The following MYCBP2 variants were observed in gnomAD, a reference collection of about 807,000 sequenced individuals.
The protein encoded by MYCBP2 is MYC binding protein 2.
A neutral mutation model predicts 525.3 loss-of-function variants in MYCBP2; 120 were observed. The ratio of observed to expected loss-of-function variants is 0.23; its 90% CI spans 0.20 to 0.27. The LOEUF is 0.27. MYCBP2 is among the 10% of genes least tolerant of loss of function. MYCBP2 has a pLI of 1.00. For missense variants in MYCBP2, 4,149 were observed against 5,657.1 expected (o/e 0.73, Z 8.55); for synonymous variants, 1,894 against 1,955.8 (o/e 0.97, Z 0.83).
In MYCBP2 at chr13:77,186,127, T is replaced by C. The variant is rs960726391; in HGVS notation, c.4252-64A>G. The C allele has an allele frequency of 5.7e-6, 7 of 1,221,132 alleles. No individual in the cohort carries two copies. The East Asian group carries it at 1.3e-4, about 22-fold the overall frequency. 75.6% of individuals were successfully genotyped at this position (1,221,132 alleles called of 1,614,324 possible). ...AAATGATACCATAAACGGAATCAAA[T>C]GGAAAGGCAATGGTAGACAACTTCA... On this transcript the variant is annotated intron_variant, in intron 30 of 82. Coordinates refer to ENST00000544440, the MANE Select transcript of MYCBP2 (RefSeq NM_015057.5).
chr13:77,061,528 G>T (rs765819273), intron 75 of MYCBP2, 134 bp downstream of exon 75: 3 of 1,059,048 alleles, frequency 2.8e-6, no homozygotes, highest in African/African-American at 1.6e-5. Flanking sequence ...GATGGTAAGC[G>T]AGACAGCTGT....
At chr13:77,126,924 C>T (rs2051772033) in intron 52 of MYCBP2, among the ~76,000 whole-genome samples, 1 of 151,938 alleles carries the variant, frequency 6.6e-6, no homozygotes, top group South Asian at 2.1e-4. Context: ...TACTGCATTA[C>T]TGTATATTGT....
intron 58 of MYCBP2, among the ~76,000 whole-genome samples, chr13:77,095,057 C>T (rs183095375): frequency 1.3e-5 from 2 of 152,224 alleles, no homozygotes; most frequent in East Asian, 3.9e-4. Flanking sequence ...TTCAGCATTT[C>T]GCACTAACAG....
intron 58 of MYCBP2, among the ~76,000 whole-genome samples, chr13:77,094,685 C>T (rs2045967911): frequency 6.6e-6 from 1 of 151,822 alleles, no homozygotes; most frequent in Admixed American, 6.6e-5. Context: ...TCGCTTTCTT[C>T]CTGTCGCTTG....
chr13:77,246,464 GAAGA>G (rs1274715118), intron 15 of MYCBP2, among the ~76,000 whole-genome samples: 2 of 150,784 alleles, frequency 1.3e-5, no homozygotes, highest in Non-Finnish European at 3.0e-5. Flanking sequence ...AGAAAAAGAA[GAAGA>G]AAGAAGAGAA....
At chr13:77,130,134 G>C (rs968233319) in intron 52 of MYCBP2, among the ~76,000 whole-genome samples, 1 of 151,526 alleles carries the variant, frequency 6.6e-6, no homozygotes, top group South Asian at 2.1e-4. Context: ...AATCTTTCTA[G>C]TGAGTAGCAA....
At chr13:77,196,588 G>A (rs760097032) in intron 26 of MYCBP2, among the ~76,000 whole-genome samples, 3 of 152,162 alleles carry the variant, frequency 2.0e-5, no homozygotes, top group Non-Finnish European at 2.9e-5. Flanking sequence ...ATTTGCTCCC[G>A]AAGTGGATGT....
chr13:77,269,977 T>A lies in MYCBP2; in HGVS notation c.1260+15A>T. ...AAGATAAGAAAATTTTGGTTTATTG[T>A]GGATAGTTTCTTACCTGAGCATACC... On this transcript the variant is annotated intron_variant, in intron 7 of 82. Transcript: ENST00000544440. 6.3e-7 allele frequency: 1 copy of A among 1,598,348 alleles called. No individual in the cohort carries two copies. Among genetic ancestry groups the A allele is most frequent in the Non-Finnish European group, 8.5e-7 (1 of 1,174,692 alleles).
chr13:77,267,734 A>G, intron 8 of MYCBP2, 107 bp downstream of exon 8: 1 of 858,370 alleles, frequency 1.2e-6, no homozygotes, highest in South Asian at 1.5e-5. Flanking sequence ...AAACCCTTTT[A>G]TAAGCAAGCA....
intron 55 of MYCBP2, chr13:77,109,702 G>A (rs1002105312): frequency 2.0e-5 from 3 of 151,660 alleles, no homozygotes; most frequent in African/African-American, 7.3e-5. Flanking sequence ...TGAGTTAGCA[G>A]ACTTGTTGCG....
At chr13:77,223,627 G>A (rs1201893200) in intron 20 of MYCBP2, among the ~76,000 whole-genome samples, 1 of 152,146 alleles carries the variant, frequency 6.6e-6, no homozygotes, top group Non-Finnish European at 1.5e-5. Flanking sequence ...GCAGTTCATG[G>A]TGTCAGAGAC....
intron 46 of MYCBP2, among the ~76,000 whole-genome samples, chr13:77,155,186 T>C (rs2057058430): frequency 6.6e-6 from 1 of 152,156 alleles, no homozygotes; most frequent in African/African-American, 2.4e-5. Context: ...ATGTAAGCAA[T>C]GTGTTCTTAT....
In MYCBP2 at chr13:77,077,355, T is replaced by C; in HGVS notation, c.11517A>G (p.Val3839=). The change falls in exon 67 of 83, where the codon GTA becomes GTG. Residue 3839 remains valine (V), a synonymous_variant. Transcript: ENST00000544440. The part of the protein sequence containing the change: ...VDLDSRHIGW[V]TSELPGGDNH... The stretch of plus-strand genomic sequence containing the variant: ...TATCCCCTCCTGGAAGTTCACTTGT[T>C]ACCCAGCCAATGTGCCTGGAATCCA... 6.2e-7 allele frequency: 1 copy of C among 1,614,058 alleles called. No homozygotes were observed. Among genetic ancestry groups the C allele is most frequent in the Non-Finnish European group, 8.5e-7 (1 of 1,179,916 alleles).
At chr13:77,293,557 T>A (rs760054827) in intron 2 of MYCBP2, among the ~76,000 whole-genome samples, 1 of 152,204 alleles carries the variant, frequency 6.6e-6, no homozygotes, top group Non-Finnish European at 1.5e-5. Context: ...AATATTACCT[T>A]ACATGGCAAA....
At chr13:77,301,118 G>A (rs1594776166) in intron 1 of MYCBP2, among the ~76,000 whole-genome samples, 1 of 152,072 alleles carries the variant, frequency 6.6e-6, no homozygotes, top group Non-Finnish European at 1.5e-5. Context: ...AAGGATGATA[G>A]AGAGGCTGGG....
chr13:77,061,445 TC>T, intron 75 of MYCBP2, 144 bp from the exon 76 acceptor site: 1 of 902,172 alleles, frequency 1.1e-6, no homozygotes. Flanking sequence ...TTCTCTTTAA[TC>T]TTCACAGCAG....
chr13:77,233,039 A>C (rs1720375443), intron 18 of MYCBP2, 117 bp downstream of exon 18: 1 of 821,334 alleles, frequency 1.2e-6, no homozygotes, highest in African/African-American at 1.7e-5. Context: ...CTCAGGCTAC[A>C]TCATGATAGA....
At chr13:77,108,485 A>C (rs930665273) in intron 55 of MYCBP2, among the ~76,000 whole-genome samples, 1 of 152,308 alleles carries the variant, frequency 6.6e-6, no homozygotes, top group Non-Finnish European at 1.5e-5. Context: ...TATGCTTTTA[A>C]AAGTAAAAAT....
intron 55 of MYCBP2, among the ~76,000 whole-genome samples, chr13:77,101,576 A>G (rs773183387): frequency 6.6e-6 from 1 of 152,058 alleles, no homozygotes; most frequent in Non-Finnish European, 1.5e-5. Context: ...AGGCATTTGT[A>G]TATCTTATTA....
Sources: allele counts gnomAD v4.1 joint callset (sites outside exome capture counted in the v4.1 genomes callset), GRCh38; gene constraint gnomAD v4.1.1; transcripts MANE v1.5; gene names NCBI Gene and HGNC (gene_info 2026-07-23, HGNC 2026-07-21).